Variants in SNTG2 observed in about 807,000 individuals in gnomAD.
The protein encoded by SNTG2 is gamma-2-syntrophin.
In SNTG2, 74 loss-of-function variants were observed where a neutral mutation model predicts 70.9. That is an observed-to-expected ratio of 1.04 (90% CI 0.86 to 1.27). The LOEUF is 1.27. Ranked by LOEUF, SNTG2 falls within the 50% of genes most tolerant of loss-of-function variation. The pLI, the probability that SNTG2 is intolerant of heterozygous loss-of-function variation, is 0.00. For missense variants in SNTG2, 717 were observed against 690.7 expected, an observed-to-expected ratio of 1.04 and a Z score of -0.43; for synonymous variants, 278 against 273.8, an observed-to-expected ratio of 1.02 and a Z score of -0.15.
intron 1 of SNTG2, among the ~76,000 whole-genome samples, chr2:1,047,825 C>CT (rs1357026942): frequency 6.6e-6 from 1 of 152,082 alleles, no homozygotes; most frequent in South Asian, 2.1e-4. Context: ...CAGCTTGACA[C>CT]TTTTTTTAAA....
At position 1,367,455 on chromosome 2, in the gene SNTG2, A is replaced by G; in HGVS notation, c.1601A>G (p.Lys534Arg). The G allele has an allele frequency of 6.4e-7, 1 of 1,551,466 alleles. No homozygotes were observed. The highest frequency in any genetic ancestry group is 1.2e-5 in the South Asian group (1 of 83,948). The change falls in exon 17 of 17, where the codon AAA becomes AGA. Residue 534 changes from lysine (K) to arginine (R), a missense_variant. Physicochemically the swap from Lys to Arg is conservative, Grantham distance 26. Transcript: ENST00000308624. ...GFMDSQSLAR[K>R]YMYSS ...ATGGACAGTCAGAGTCTTGCCAGAA[A>G]ATACATGTACAGCAGCTAAAGGTTG...
chr2:993,430 C>G (rs886652879), intron 1 of SNTG2, among the ~76,000 whole-genome samples: 1 of 151,978 alleles, frequency 6.6e-6, no homozygotes, highest in African/African-American at 2.4e-5. Context: ...TTGGGTTGTT[C>G]CACTATTTGA....
intron 6 of SNTG2, among the ~76,000 whole-genome samples, chr2:1,164,913 C>A (rs1670605704): frequency 6.6e-6 from 1 of 152,224 alleles, no homozygotes; most frequent in South Asian, 2.1e-4. Context: ...TTCTGACACA[C>A]ACAGCTTTGC....
chr2:1,273,951 T>A (rs1679164386), intron 14 of SNTG2, among the ~76,000 whole-genome samples: 1 of 152,138 alleles, frequency 6.6e-6, no homozygotes, highest in African/African-American at 2.4e-5. Flanking sequence ...ATCTCAAAGC[T>A]CAATGATTAG....
chr2:1,321,184 C>G (rs996186659), intron 16 of SNTG2, among the ~76,000 whole-genome samples: 1 of 152,102 alleles, frequency 6.6e-6, no homozygotes, highest in African/African-American at 2.4e-5. Context: ...AAAATTGTTC[C>G]TACTATCATT....
intron 8 of SNTG2, among the ~76,000 whole-genome samples, chr2:1,192,406 A>G (rs1254477868): frequency 6.6e-6 from 1 of 152,238 alleles, no homozygotes; most frequent in Non-Finnish European, 1.5e-5. Context: ...GCTGTGCGAT[A>G]AGAGAAGTAG....
chr2:1,115,563 G>A (rs1457908670), intron 4 of SNTG2, among the ~76,000 whole-genome samples: 1 of 151,688 alleles, frequency 6.6e-6, no homozygotes, highest in African/African-American at 2.4e-5. Flanking sequence ...CCTTTGAGAA[G>A]AATCTTGTGT....
intron 1 of SNTG2, among the ~76,000 whole-genome samples, chr2:1,062,106 C>A (rs924752991): frequency 6.6e-6 from 1 of 152,110 alleles, no homozygotes; most frequent in African/African-American, 2.4e-5. Context: ...AGGATTTTCA[C>A]ACCATTTGAC....
At chr2:1,284,139 G>A (rs1679672651) in intron 14 of SNTG2, among the ~76,000 whole-genome samples, 1 of 152,268 alleles carries the variant, frequency 6.6e-6, no homozygotes, top group Middle Eastern at 3.4e-3. Flanking sequence ...TTCTCCAAAA[G>A]CCATTATGGC....
At chr2:1,089,593 C>T (rs1349833801) in intron 2 of SNTG2, among the ~76,000 whole-genome samples, 1 of 151,626 alleles carries the variant, frequency 6.6e-6, no homozygotes. Context: ...CGAGATTGTG[C>T]CATTGCACTC....
At chr2:1,152,542 GCA>G (rs200603067) in intron 6 of SNTG2, among the ~76,000 whole-genome samples, 1,530 of 150,746 alleles carry the variant, frequency 0.01, 33 homozygotes, top group African/African-American at 0.035. Context: ...ATTCATGTGT[GCA>G]CACACGTATG....
rs545016860 is a variant in SNTG2 at position 1,209,214 on chromosome 2, G to A, written c.703G>A (p.Gly235Arg). 1.5e-5 allele frequency: 24 copies of A among 1,613,902 alleles called. No homozygotes were observed. The East Asian group carries it at 1.6e-4, about 10-fold the overall frequency. The change falls in exon 9 of 17, where the codon GGA (glycine) becomes AGA (arginine). Residue 235 changes from glycine to arginine, a missense_variant. Coordinates refer to ENST00000308624, the MANE Select transcript of SNTG2 (RefSeq NM_018968.4). ...SMARISRYKAGTEKLRWNAFE... is the reference protein window; with the variant it reads ...SMARISRYKARTEKLRWNAFE... ...GGCTCGCATCTCAAGGTACAAAGCC[G>A]GAACGGAAAAATTAAGGTGTGTGAC...
At chr2:1,151,151 C>G (rs1396033762) in intron 6 of SNTG2, among the ~76,000 whole-genome samples, 9 of 95,544 alleles carry the variant, frequency 9.4e-5, no homozygotes, top group African/African-American at 2.9e-4. Flanking sequence ...CAAGCCTTAA[C>G]TGCACAGTTA....
chr2:1,313,753 T>A (rs1681128883), intron 15 of SNTG2, among the ~76,000 whole-genome samples: 1 of 152,154 alleles, frequency 6.6e-6, no homozygotes, highest in South Asian at 2.1e-4. Flanking sequence ...CCTGCGCCCA[T>A]GGAGCCCCAA....
rs532011458 is a variant in SNTG2, at chr2:1,152,517, T to A, written c.412-13031T>A. ...TGCGTATATTCGGTGTGTGTGTACATGTGTGTGCATGTGTATTCATGTGTG... is the reference window on the plus strand; with the variant it reads ...TGCGTATATTCGGTGTGTGTGTACAAGTGTGTGCATGTGTATTCATGTGTG... On this transcript the variant is annotated intron_variant, in intron 6 of 16. Coordinates refer to ENST00000308624, the MANE Select transcript of SNTG2 (RefSeq NM_018968.4). Among the ~76,000 whole-genome samples the A allele has an allele frequency of 2.0e-5, 3 of 152,276 alleles. No individual in the cohort carries two copies. In the South Asian group the frequency reaches 6.2e-4, roughly 32 times the overall value.
At chr2:1,203,671 A>AT (rs1553355231) in intron 8 of SNTG2, among the ~76,000 whole-genome samples, 426 of 67,024 alleles carry the variant, frequency 6.4e-3, no homozygotes, top group South Asian at 0.011. Flanking sequence ...AACAAAAAAA[A>AT]AAATATATAT....
At chr2:976,484 C>T (rs1428751860) in intron 1 of SNTG2, among the ~76,000 whole-genome samples, 1 of 152,184 alleles carries the variant, frequency 6.6e-6, no homozygotes, top group Admixed American at 6.5e-5. Context: ...GCTCCGTCCC[C>T]ACCTCCCTGT....
chr2:980,369 C>T (rs1175751483), intron 1 of SNTG2, among the ~76,000 whole-genome samples: 1 of 152,148 alleles, frequency 6.6e-6, no homozygotes, highest in Non-Finnish European at 1.5e-5. Flanking sequence ...ATGAATAATT[C>T]ATACAACGAT....
intron 4 of SNTG2, among the ~76,000 whole-genome samples, chr2:1,119,606 G>GACTATA (rs113555203): frequency 0.013 from 1,881 of 147,052 alleles, 34 homozygotes; most frequent in African/African-American, 0.042. Flanking sequence ...TAAAATAGTA[G>GACTATA]ACTATAAGAT....
Sources: gnomAD v4.1 joint callset for allele counts (sites outside exome capture counted in the v4.1 genomes callset) on GRCh38, gnomAD v4.1.1 for gene constraint, MANE v1.5 for transcripts, NCBI Gene and HGNC (gene_info 2026-07-23, HGNC 2026-07-21) for gene names.